The following WWC2 variants were observed in gnomAD, a reference collection of about 807,000 sequenced individuals.
WWC2 encodes the protein WW and C2 domain containing 2, also known as protein WWC2.
In WWC2, 101 loss-of-function variants were observed where a neutral mutation model predicts 138.5. That is an observed-to-expected ratio of 0.73 (90% CI 0.62 to 0.86). WWC2 has a LOEUF of 0.86. Among genes scored for constraint, WWC2 ranks in the 40% least tolerant of loss-of-function variants. The pLI is 0.00. For synonymous variants in WWC2, 558 were observed against 538.4 expected, an observed-to-expected ratio of 1.04 and a Z score of -0.50; for missense variants, 1,420 against 1,419.4, an observed-to-expected ratio of 1.00 and a Z score of -0.01.
intron 1 of WWC2, among the ~76,000 whole-genome samples, chr4:183,181,335 AC>A (rs1734628459): frequency 6.6e-6 from 1 of 152,156 alleles, no homozygotes; most frequent in Non-Finnish European, 1.5e-5. Flanking sequence ...ACACTGTGGG[AC>A]CCATACAAAG....
At chr4:183,254,137 A>G in intron 9 of WWC2, 138 bp downstream of exon 9, 1 of 1,340,822 alleles carries the variant, frequency 7.5e-7, no homozygotes, top group East Asian at 2.5e-5. Context: ...GACTTTCTGT[A>G]GAACAATAAA....
intron 22 of WWC2, among the ~76,000 whole-genome samples, chr4:183,314,932 C>G (rs1011134858): frequency 6.6e-6 from 1 of 152,086 alleles, no homozygotes; most frequent in African/African-American, 2.4e-5. Flanking sequence ...ACCTCCTCCC[C>G]CATCTGGACT....
rs953779393 is a variant in WWC2 at position 183,099,316 on chromosome 4, C to T, written c.-176C>T. The T allele has an allele frequency of 1.0e-5, 5 of 496,878 alleles. No homozygotes were observed. The East Asian group carries it at 2.5e-4, about 25-fold the overall frequency. The allele number at this position is 496,878 out of a possible 1,614,324, so 30.8% of individuals were successfully genotyped here. On this transcript the variant is annotated 5_prime_UTR_variant, in exon 1 of 23. Coordinates refer to ENST00000403733, the MANE Select transcript of WWC2 (RefSeq NM_024949.6). The stretch of plus-strand genomic sequence containing the variant: ...GACTGATCCGCAGCGGGGCCGCGAA[C>T]AGCGTTTCCTGAGGCACCTCCCGCG...
intron 11 of WWC2, among the ~76,000 whole-genome samples, chr4:183,263,595 T>C (rs1737403838): frequency 6.6e-6 from 1 of 152,084 alleles, no homozygotes; most frequent in African/African-American, 2.4e-5. Context: ...TGAAAACAAG[T>C]GAAAGCGTAT....
At chr4:183,297,036 G>T (rs1738655466) in intron 21 of WWC2, among the ~76,000 whole-genome samples, 2 of 150,542 alleles carry the variant, frequency 1.3e-5, no homozygotes, top group Admixed American at 1.3e-4. Context: ...GTGCAGTGGT[G>T]TGACCACAGC....
intron 1 of WWC2, among the ~76,000 whole-genome samples, chr4:183,112,860 G>A (rs1323408185): frequency 6.6e-6 from 1 of 151,638 alleles, no homozygotes; most frequent in African/African-American, 2.4e-5. Flanking sequence ...AAGATCTGGG[G>A]GGAAGAGTGG....
At chr4:183,292,259 C>T (rs1738479840) in intron 21 of WWC2, among the ~76,000 whole-genome samples, 1 of 151,628 alleles carries the variant, frequency 6.6e-6, no homozygotes, top group Admixed American at 6.6e-5. Context: ...CACAGACACA[C>T]ACACACATAC....
intron 11 of WWC2, among the ~76,000 whole-genome samples, chr4:183,262,508 G>A (rs1347920859): frequency 6.6e-6 from 1 of 152,224 alleles, no homozygotes; most frequent in African/African-American, 2.4e-5. Flanking sequence ...TAAAGACATT[G>A]ACAAATCCAC....
Position 183,286,055 on chromosome 4 carries a change from A to C in WWC2, c.3137A>C (p.Lys1046Thr). The C allele has an allele frequency of 6.4e-7, 1 of 1,572,448 alleles. No homozygotes were observed. Among genetic ancestry groups the C allele is most frequent in the Non-Finnish European group, 8.6e-7 (1 of 1,157,258 alleles). ...ACCGAACGCCGCAGTTTGAGGGTCAAAAGGGTATGTATTCCCTCAGCCACG... is the reference window on the plus strand; with the variant it reads ...ACCGAACGCCGCAGTTTGAGGGTCACAAGGGTATGTATTCCCTCAGCCACG... ...NSTERRSLRV[K>T]RTVCQSVLRR... The change falls in exon 20 of 23, where the codon AAA becomes ACA. Residue 1046 changes from lysine to threonine, a missense_variant. Coordinates refer to ENST00000403733, the MANE Select transcript of WWC2 (RefSeq NM_024949.6).
At chr4:183,231,257 G>GTTT (rs1736234991) in intron 4 of WWC2, among the ~76,000 whole-genome samples, 3 of 115,358 alleles carry the variant, frequency 2.6e-5, no homozygotes, top group Non-Finnish European at 3.5e-5. Context: ...TACAGTGAAA[G>GTTT]CTTTTTTTTT....
intron 4 of WWC2, among the ~76,000 whole-genome samples, chr4:183,228,943 G>A (rs1346965189): frequency 6.6e-6 from 1 of 152,084 alleles, no homozygotes; most frequent in African/African-American, 2.4e-5. Flanking sequence ...TGTTGAGTGG[G>A]TGAAGCTAGA....
intron 1 of WWC2, among the ~76,000 whole-genome samples, chr4:183,105,605 G>A (rs979184602): frequency 6.6e-6 from 1 of 152,140 alleles, no homozygotes; most frequent in Admixed American, 6.5e-5. Context: ...TAGAATTTTG[G>A]ACTTGCCGGG....
rs1240348865 is a variant in WWC2 at position 183,261,255 on chromosome 4, C to T, written c.1632C>T (p.Ala544=). The T allele has an allele frequency of 5.0e-6, 8 of 1,613,084 alleles. No homozygotes were observed. The African/African-American group carries it at 8.0e-5, about 16-fold the overall frequency. Residue 544 remains alanine, a synonymous_variant, in exon 11 of 23, where the codon GCC becomes GCT. Transcript: ENST00000403733. ...TGGCTGAGGCCCCGAAGTCTGTGGC[C>T]TCCCTGTCCTCGAGGTCCTCCCTTT... is the stretch of plus-strand genomic sequence containing the variant. The part of the protein sequence containing the change: ...PPLAEAPKSV[A]SLSSRSSLSS...
chr4:183,115,182 T>C (rs571411706), intron 1 of WWC2, among the ~76,000 whole-genome samples: 1 of 152,326 alleles, frequency 6.6e-6, no homozygotes, highest in African/African-American at 2.4e-5. Flanking sequence ...GTTCCATCCA[T>C]GTTGTTGCAG....
chr4:183,166,437 T>C (rs1350665300), intron 1 of WWC2, among the ~76,000 whole-genome samples: 3 of 152,232 alleles, frequency 2.0e-5, no homozygotes, highest in African/African-American at 4.8e-5. Flanking sequence ...TGGACAGTGC[T>C]CTTCACTTTT....
chr4:183,263,516 G>T (rs1737401926), intron 11 of WWC2, among the ~76,000 whole-genome samples: 1 of 152,214 alleles, frequency 6.6e-6, no homozygotes, highest in Non-Finnish European at 1.5e-5. Flanking sequence ...GAAAACTGCT[G>T]TTAAAAAGTT....
At chr4:183,184,151 G>C (rs770604262) in intron 1 of WWC2, among the ~76,000 whole-genome samples, 10 of 151,968 alleles carry the variant, frequency 6.6e-5, no homozygotes, top group Non-Finnish European at 1.5e-4. Context: ...CCCTTTCCTT[G>C]TCCCCTGGCA....
At chr4:183,179,047 C>T (rs1734545607) in intron 1 of WWC2, among the ~76,000 whole-genome samples, 1 of 152,094 alleles carries the variant, frequency 6.6e-6, no homozygotes, top group Admixed American at 6.5e-5. Context: ...GCTCCTGTGA[C>T]ATAAAACAAA....
intron 1 of WWC2, among the ~76,000 whole-genome samples, chr4:183,189,796 T>TA (rs1273745545): frequency 1.3e-5 from 2 of 152,238 alleles, no homozygotes; most frequent in African/African-American, 4.8e-5. Flanking sequence ...ATGTTTTTTT[T>TA]AAGTGCTTAT....
Sources: allele counts gnomAD v4.1 joint callset (sites outside exome capture counted in the v4.1 genomes callset), GRCh38; gene constraint gnomAD v4.1.1; transcripts MANE v1.5; gene names NCBI Gene and HGNC (gene_info 2026-07-23, HGNC 2026-07-21).